PDCD10: variants seen among roughly 807,000 people sequenced by gnomAD.
PDCD10 encodes the protein programmed cell death 10.
Under a neutral mutation model 29.2 loss-of-function variants are expected in PDCD10, and 4 were observed. That is an observed-to-expected ratio of 0.14 (90% CI 0.07 to 0.31). The LOEUF (loss-of-function observed/expected upper bound fraction) is 0.31. Ranked by LOEUF, PDCD10 falls within the 10% of genes least tolerant of loss-of-function variation. PDCD10 has a pLI of 1.00. For synonymous variants in PDCD10, 70 were observed against 82.2 expected (o/e 0.85, Z 0.80); for missense variants, 183 against 257.9 (o/e 0.71, Z 1.99).
intron 3 of PDCD10, 92 bp from the exon 4 acceptor site, chr3:167,704,987 AT>A: frequency 2.8e-6 from 2 of 722,600 alleles, no homozygotes; most frequent in South Asian, 3.2e-5. Context: ...ACATGAACAC[AT>A]TAAACATTTA....
intron 6 of PDCD10, among the ~76,000 whole-genome samples, chr3:167,691,222 A>G (rs1479099138): frequency 1.3e-5 from 2 of 152,220 alleles, no homozygotes; most frequent in East Asian, 3.8e-4. Flanking sequence ...TGATACAAAT[A>G]ATTATACTTT....
At position 167,683,915 on chromosome 3, in the gene PDCD10, T is replaced by G. The variant is rs1693448089; in HGVS notation, c.*393A>C. 5.3e-6 allele frequency: 1 copy of G among 189,550 alleles called. No individual in the cohort carries two copies. Among genetic ancestry groups the G allele is most frequent in the Admixed American group, 5.5e-5 (1 of 18,340 alleles). 11.7% of individuals were successfully genotyped at this position (189,550 alleles called of 1,614,324 possible). On this transcript the variant is annotated 3_prime_UTR_variant, in exon 9 of 9. Transcript: ENST00000392750. Reference sequence around the variant, plus strand: ...TTCAAGTAAAGAAATGTTTAACAGATGTAAACTATTTATTGAATATTTGCC... The same window carrying G: ...TTCAAGTAAAGAAATGTTTAACAGAGGTAAACTATTTATTGAATATTTGCC...
chr3:167,695,083 G>A (rs1374005076), intron 6 of PDCD10, among the ~76,000 whole-genome samples: 1 of 152,078 alleles, frequency 6.6e-6, no homozygotes. Context: ...ACTGCTCTAG[G>A]ATGACCCTTC....
chr3:167,733,896 T>C (rs1725085905), intron 2 of PDCD10, among the ~76,000 whole-genome samples: 1 of 152,216 alleles, frequency 6.6e-6, no homozygotes, highest in South Asian at 2.1e-4. Flanking sequence ...TCTGTAAAAG[T>C]TGAAACTGGC....
chr3:167,706,906 C>T (rs1029689367), intron 3 of PDCD10, among the ~76,000 whole-genome samples: 2 of 152,156 alleles, frequency 1.3e-5, no homozygotes, highest in African/African-American at 4.8e-5. Context: ...TCTTCTTCTC[C>T]ATTTTACAAA....
At chr3:167,717,554 C>T (rs1158820640) in intron 3 of PDCD10, among the ~76,000 whole-genome samples, 2 of 144,746 alleles carry the variant, frequency 1.4e-5, no homozygotes, top group African/African-American at 2.6e-5. Context: ...AAACTATAAA[C>T]ACTAATGTTT....
chr3:167,705,642 A>G (rs1721898300), intron 3 of PDCD10, among the ~76,000 whole-genome samples: 1 of 152,204 alleles, frequency 6.6e-6, no homozygotes, highest in Admixed American at 6.5e-5. Context: ...AGAATCTGAC[A>G]AGATAATTTA....
At position 167,704,540 on chromosome 3, in the gene PDCD10, A is replaced by C. The variant is rs1480594827; in HGVS notation, c.150+302T>G. The stretch of plus-strand genomic sequence containing the variant: ...ACCACGCCCAGCCATATAAGTTTTC[A>C]AAAGGTCAAATAATAGAAAAAAAAA... On this transcript the variant is annotated intron_variant, in intron 4 of 8. Transcript: ENST00000392750. The C allele has an allele frequency of 1.2e-5, 3 of 251,392 alleles. No homozygotes were observed. In the Admixed American group the frequency reaches 1.5e-4, roughly 13 times the overall value. 15.6% of individuals were successfully genotyped at this position (251,392 alleles called of 1,614,324 possible). A position where few individuals can be genotyped will look rare whatever the true frequency, so the allele number is the denominator to read the frequency against.
intron 6 of PDCD10, among the ~76,000 whole-genome samples, chr3:167,692,383 T>A (rs1720341916): frequency 6.6e-6 from 1 of 152,222 alleles, no homozygotes; most frequent in Non-Finnish European, 1.5e-5. Flanking sequence ...AAGTTTTGAT[T>A]GTGTTTTGAC....
At chr3:167,709,808 G>GC (rs55801333) in intron 3 of PDCD10, among the ~76,000 whole-genome samples, 151,280 of 152,268 alleles carry the variant, frequency 0.99, 75,153 homozygotes, top group East Asian at 1. Context: ...AGAGCTCACA[G>GC]AATAAGAGAC....
Position 167,723,010 on chromosome 3 carries a change from T to C in PDCD10, c.-116-2737A>G, listed in dbSNP as rs553594168. Among the ~76,000 whole-genome samples, 3 of 152,364 alleles carry C rather than the reference T, an allele frequency of 2.0e-5. 1 individual carries two copies. Among genetic ancestry groups the C allele is most frequent in the African/African-American group, 7.2e-5 (3 of 41,588 alleles). ...ATAAGTGGCTGGCCTATGGCATACA[T>C]GCCATCTTTTAATACTGTTCTTATG... is the stretch of plus-strand genomic sequence containing the variant. On this transcript the variant is annotated intron_variant, in intron 2 of 8. Coordinates refer to ENST00000392750, the MANE Select transcript of PDCD10 (RefSeq NM_007217.4).
chr3:167,717,743 C>T (rs934282939), intron 3 of PDCD10, among the ~76,000 whole-genome samples: 5 of 152,016 alleles, frequency 3.3e-5, no homozygotes, highest in African/African-American at 1.2e-4. Flanking sequence ...CTAATAAGTA[C>T]CATCCCTATT....
intron 4 of PDCD10, among the ~76,000 whole-genome samples, chr3:167,702,493 C>T (rs1721546168): frequency 1.3e-5 from 2 of 152,080 alleles, no homozygotes. Context: ...CAACAGTAGG[C>T]TTTTAGTAGT....
chr3:167,723,164 T>C (rs947999124), intron 2 of PDCD10, among the ~76,000 whole-genome samples: 19 of 152,360 alleles, frequency 1.2e-4, no homozygotes, highest in South Asian at 8.3e-4. Context: ...TTTTAAAATA[T>C]TGAATTACTG....
chr3:167,698,802 A>C (rs964411933), intron 4 of PDCD10, among the ~76,000 whole-genome samples: 1 of 152,182 alleles, frequency 6.6e-6, no homozygotes, highest in East Asian at 1.9e-4. Flanking sequence ...ATTAAGTTAT[A>C]ATAAAGTACT....
intron 4 of PDCD10, among the ~76,000 whole-genome samples, chr3:167,701,405 C>G (rs1721416534): frequency 6.6e-6 from 1 of 152,134 alleles, no homozygotes; most frequent in Non-Finnish European, 1.5e-5. Context: ...CCTATGTTGC[C>G]TAGGCTGGTC....
chr3:167,726,468 C>G (rs1245698986), intron 2 of PDCD10, among the ~76,000 whole-genome samples: 1 of 152,024 alleles, frequency 6.6e-6, no homozygotes, highest in East Asian at 1.9e-4. Context: ...CATAGATAGA[C>G]AGTATACAGC....
chr3:167,734,535 G>A (rs1725196588), intron 1 of PDCD10, 127 bp downstream of exon 1: 1 of 152,518 alleles, frequency 6.6e-6, no homozygotes, highest in Non-Finnish European at 1.5e-5. Flanking sequence ...GGGGCACCAG[G>A]GGCCAACCTC....
intron 2 of PDCD10, among the ~76,000 whole-genome samples, chr3:167,733,014 T>C (rs1336892434): frequency 6.6e-6 from 1 of 152,212 alleles, no homozygotes; most frequent in Non-Finnish European, 1.5e-5. Flanking sequence ...TCATACTTTT[T>C]CTATTTTAAA....
Sources: allele counts gnomAD v4.1 joint callset (sites outside exome capture counted in the v4.1 genomes callset), GRCh38; gene constraint gnomAD v4.1.1; transcripts MANE v1.5; gene names NCBI Gene and HGNC (gene_info 2026-07-23, HGNC 2026-07-21).